The following AKAP6 variants were observed in gnomAD, a reference collection of about 807,000 sequenced individuals.
AKAP6 encodes A-kinase anchoring protein 6, also known as A-kinase anchor protein 6.
A neutral mutation model predicts 188.5 loss-of-function variants in AKAP6; 58 were observed. The observed-to-expected ratio is 0.31, with a 90% CI of 0.25 to 0.38. The LOEUF (loss-of-function observed/expected upper bound fraction) is 0.38, where lower values mean the gene tolerates loss of function less well. Among genes scored for constraint, AKAP6 ranks in the 10% least tolerant of loss-of-function variants. AKAP6 has a pLI of 1.00. For synonymous variants in AKAP6, 989 were observed against 998.6 expected, an observed-to-expected ratio of 0.99 and a Z score of 0.18; for missense variants, 2,710 against 2,740.0, an observed-to-expected ratio of 0.99 and a Z score of 0.24.
At chr14:32,705,066 C>A (rs1269967305) in intron 9 of AKAP6, among the ~76,000 whole-genome samples, 1 of 152,170 alleles carries the variant, frequency 6.6e-6, no homozygotes, top group East Asian at 1.9e-4. Context: ...AACTCATTAA[C>A]TTCCTTTATG....
In AKAP6 at chr14:32,639,541, C is replaced by A. The variant is rs540586417; in HGVS notation, c.2730+38749C>A. Among the ~76,000 whole-genome samples the A allele has an allele frequency of 3.9e-5, 6 of 152,246 alleles. No homozygotes were observed. In the East Asian group the frequency reaches 1.2e-3, roughly 29 times the overall value. On this transcript the variant is annotated intron_variant, in intron 7 of 13. Coordinates refer to ENST00000280979, the MANE Select transcript of AKAP6 (RefSeq NM_004274.5). ...TCTATGTGCTGGAAATCACACCAAG[C>A]TTTTGTGGAAACAATAGTGAGCAAA...
intron 5 of AKAP6, among the ~76,000 whole-genome samples, chr14:32,597,461 A>G (rs1885751762): frequency 6.6e-6 from 1 of 152,178 alleles, no homozygotes; most frequent in South Asian, 2.1e-4. Flanking sequence ...TCTGCATGGC[A>G]TTGCTTCAGA....
At chr14:32,478,206 A>G (rs143402921) in intron 2 of AKAP6, among the ~76,000 whole-genome samples, 101 of 152,324 alleles carry the variant, frequency 6.6e-4, no homozygotes, top group African/African-American at 2.3e-3. Context: ...AGCCAACATT[A>G]GTGAATGTTG....
chr14:32,777,268 T>A (rs987509200), intron 12 of AKAP6, among the ~76,000 whole-genome samples: 2 of 152,134 alleles, frequency 1.3e-5, no homozygotes, highest in South Asian at 4.1e-4. Context: ...AAGTTAAAAT[T>A]TATAAAATTT....
rs1162549285 is a variant in AKAP6 at position 32,384,386 on chromosome 14, T to TG, written c.-34-49069dup. The stretch of plus-strand genomic sequence containing the variant: ...CACTAGAAAAATTCTCATGAGGGAG[T>TG]GGGGGCTAAAATGTGGGAAATTCTA... On this transcript the variant is annotated intron_variant, in intron 1 of 13. Coordinates refer to ENST00000280979, the MANE Select transcript of AKAP6 (RefSeq NM_004274.5). 3.3e-5 allele frequency among the ~76,000 whole-genome samples: 5 copies of TG among 151,914 alleles called. No individual in the cohort carries two copies. The East Asian group carries it at 9.7e-4, about 29-fold the overall frequency.
chr14:32,512,487 G>A (rs1255651439), intron 2 of AKAP6, among the ~76,000 whole-genome samples: 1 of 152,084 alleles, frequency 6.6e-6, no homozygotes, highest in East Asian at 1.9e-4. Context: ...GTGCTTTGAG[G>A]GATGTTAGCC....
At chr14:32,736,511 G>A (rs2031433679) in intron 11 of AKAP6, among the ~76,000 whole-genome samples, 1 of 152,064 alleles carries the variant, frequency 6.6e-6, no homozygotes, top group Non-Finnish European at 1.5e-5. Flanking sequence ...TTTAACATTA[G>A]AATGTTTTCC....
chr14:32,809,635 G>A (rs2140111128), intron 12 of AKAP6, among the ~76,000 whole-genome samples: 1 of 152,290 alleles, frequency 6.6e-6, no homozygotes, highest in East Asian at 1.9e-4. Flanking sequence ...AGTTTATGGA[G>A]TCACACACAG....
chr14:32,574,914 G>A (rs1168442070), intron 4 of AKAP6, among the ~76,000 whole-genome samples: 3 of 152,070 alleles, frequency 2.0e-5, no homozygotes, highest in Non-Finnish European at 4.4e-5. Flanking sequence ...TGAGAGTATC[G>A]AGAATTAGGA....
intron 11 of AKAP6, among the ~76,000 whole-genome samples, chr14:32,746,122 G>A (rs535869700): frequency 5.3e-5 from 8 of 152,178 alleles, no homozygotes; most frequent in East Asian, 3.9e-4. Context: ...GTCAAGTCCT[G>A]GAATTGGGGA....
At chr14:32,552,044 A>T in intron 4 of AKAP6, among the ~76,000 whole-genome samples, 1 of 152,082 alleles carries the variant, frequency 6.6e-6, no homozygotes. Context: ...TAGAATGGGA[A>T]CTCTGTGAGG....
At chr14:32,513,876 C>T (rs574295808) in intron 2 of AKAP6, among the ~76,000 whole-genome samples, 153 of 152,212 alleles carry the variant, frequency 1.0e-3, no homozygotes, top group African/African-American at 3.5e-3. Flanking sequence ...TTTCTGGTAA[C>T]AATATGCCTT....
intron 2 of AKAP6, among the ~76,000 whole-genome samples, chr14:32,446,851 A>G (rs748211663): frequency 3.3e-5 from 5 of 152,168 alleles, no homozygotes; most frequent in South Asian, 2.1e-4. Flanking sequence ...ATAGAATTTT[A>G]TGGTTTCTAC....
chr14:32,715,553 T>C (rs2030146275), intron 9 of AKAP6, among the ~76,000 whole-genome samples: 1 of 152,040 alleles, frequency 6.6e-6, no homozygotes, highest in East Asian at 1.9e-4. Context: ...ATATTTGAAC[T>C]GAACCTTACT....
intron 11 of AKAP6, among the ~76,000 whole-genome samples, chr14:32,737,939 G>A (rs1566677417): frequency 6.6e-6 from 1 of 152,126 alleles, no homozygotes; most frequent in Admixed American, 6.5e-5. Context: ...AACCAATTGT[G>A]GAACATTTTC....
At chr14:32,339,034 C>A (rs142233784) in intron 1 of AKAP6, among the ~76,000 whole-genome samples, 1 of 152,244 alleles carries the variant, frequency 6.6e-6, no homozygotes, top group African/African-American at 2.4e-5. Flanking sequence ...TTTCCTGTCT[C>A]TGCTTAAATT....
In AKAP6 at chr14:32,492,355, T is replaced by TATATATATATAG; in HGVS notation, c.325-43198_325-43197insTATATATATAGA. Among the ~76,000 whole-genome samples, 774 of 82,554 alleles carry TATATATATATAG rather than the reference T, an allele frequency of 9.4e-3. 10 individuals are homozygous for TATATATATATAG. The highest frequency in any genetic ancestry group is 0.027 in the South Asian group (39 of 1,428). The allele number at this position is 82,554 out of a possible 152,430, so 54.2% of individuals were successfully genotyped here. On this transcript the variant is annotated intron_variant, in intron 2 of 13. Transcript: ENST00000280979. ...ACATTGTAATATATATATATATATA[T>TATATATATATAG]AGAGAGAGAGAGAGAGAGAGAGAGA...
chr14:32,534,486 C>A (rs1003486054), intron 2 of AKAP6, among the ~76,000 whole-genome samples: 4 of 152,142 alleles, frequency 2.6e-5, no homozygotes, highest in Non-Finnish European at 1.5e-5. Flanking sequence ...TGTCAGATAC[C>A]AAATCTTCCT....
chr14:32,525,394 C>T (rs925203876), intron 2 of AKAP6, among the ~76,000 whole-genome samples: 8 of 152,206 alleles, frequency 5.3e-5, no homozygotes, highest in East Asian at 1.9e-4. Flanking sequence ...AAGCAATCTA[C>T]GTTTGTATAT....
Sources: allele counts gnomAD v4.1 joint callset (sites outside exome capture counted in the v4.1 genomes callset), GRCh38; gene constraint gnomAD v4.1.1; transcripts MANE v1.5; gene names NCBI Gene and HGNC (gene_info 2026-07-23, HGNC 2026-07-21).